The following NPHS2 variants were observed in gnomAD, a reference collection of about 807,000 sequenced individuals.
NPHS2 encodes NPHS2 stomatin family member, podocin.
Under a neutral mutation model 37.1 loss-of-function variants are expected in NPHS2, and 36 were observed. The observed-to-expected ratio is 0.97, with a 90% CI of 0.74 to 1.28. NPHS2 has a LOEUF of 1.28. NPHS2 is among the 50% of genes most tolerant of loss of function. The probability of loss-of-function intolerance (pLI) is 0.00; values close to 1 mark genes in which losing one functional copy is unlikely to be tolerated. For synonymous variants in NPHS2, 196 were observed against 189.3 expected, an observed-to-expected ratio of 1.04 and a Z score of -0.29; for missense variants, 447 against 488.1, an observed-to-expected ratio of 0.92 and a Z score of 0.79.
At position 179,557,248 on chromosome 1, in the gene NPHS2, T is replaced by C; in HGVS notation, c.535-18A>G. 6.2e-7 allele frequency: 1 copy of C among 1,606,448 alleles called. No homozygotes were observed. The stretch of plus-strand genomic sequence containing the variant: ...GTCACGATCTAGGCAGAAAAAAGTT[T>C]GGATGACAGGCTTGATTCTTGGGCT... On this transcript the variant is annotated intron_variant, in intron 4 of 7. Coordinates refer to ENST00000367615, the MANE Select transcript of NPHS2 (RefSeq NM_014625.4).
Position 179,559,690 on chromosome 1 carries a change from G to C in NPHS2, c.523C>G (p.Pro175Ala), listed in dbSNP as rs1472510122. Residue 175 changes from proline (P) to alanine (A), a missense_variant, in exon 4 of 8, where the codon CCT becomes GCT. Pro to Ala is a conservative substitution (Grantham distance 27, BLOSUM62 -1). Coordinates refer to ENST00000367615, the MANE Select transcript of NPHS2 (RefSeq NM_014625.4). ...VDLRLQTLEI[P>A]FHEIVTKDMF... ...ATCATTTGGCTTACCTCATGAAAAG[G>C]TATCTCCAGAGTTTGGAGACGAAGG... The C allele has an allele frequency of 6.3e-7, 1 of 1,585,240 alleles. No homozygotes were observed. Among genetic ancestry groups the C allele is most frequent in the Admixed American group, 1.7e-5 (1 of 57,890 alleles).
chr1:179,554,403 A>G, intron 6 of NPHS2, 73 bp downstream of exon 6: 8 of 1,586,368 alleles, frequency 5.0e-6, no homozygotes, highest in Admixed American at 1.7e-5. Flanking sequence ...TAATTTTTCA[A>G]ATGAAAAATT....
chr1:179,568,011 T>A (rs1348836675), intron 1 of NPHS2, among the ~76,000 whole-genome samples: 1 of 152,188 alleles, frequency 6.6e-6, no homozygotes, highest in Non-Finnish European at 1.5e-5. Context: ...GGTCTAAAAT[T>A]CTCTTTTTTT....
chr1:179,569,713 A>C (rs1255819859), intron 1 of NPHS2, among the ~76,000 whole-genome samples: 1 of 152,148 alleles, frequency 6.6e-6, no homozygotes, highest in Non-Finnish European at 1.5e-5. Flanking sequence ...TGCTTCCTTC[A>C]GGAGCCCTTG....
Position 179,575,683 on chromosome 1 carries a change from G to A in NPHS2, c.182C>T (p.Ala61Val), listed in dbSNP as rs201050491. Residue 61 changes from alanine to valine, a missense_variant, in exon 1 of 8, where the codon GCC becomes GTC. Coordinates refer to ENST00000367615, the MANE Select transcript of NPHS2 (RefSeq NM_014625.4). ...CTCATCCACGTCCACCACCGTGGCG[G>A]CGGGCGCTCGGGGCTCCCCCGGGGT... ...AGTPGEPRAP[A>V]ATVVDVDEVR... 1,496 of 1,596,352 alleles carry A rather than the reference G, an allele frequency of 9.4e-4. 12 individuals carry two copies. In the African/African-American group the frequency reaches 0.018, roughly 19 times the overall value.
At chr1:179,554,429 A>G (rs1244513707) in intron 6 of NPHS2, 47 bp downstream of exon 6, 2 of 1,610,402 alleles carry the variant, frequency 1.2e-6, no homozygotes, top group Middle Eastern at 1.7e-4. Flanking sequence ...TGAAACCAGA[A>G]TATTTTCCTT....
At position 179,557,123 on chromosome 1, in the gene NPHS2, C is replaced by T. The variant is rs751929781; in HGVS notation, c.642G>A (p.Val214=). ...LSSLAHVSKA[V]QFLVQTTMKR... Reference sequence around the variant, plus strand: ...TCATAGTGGTTTGCACAAGGAATTGCACAGCTTTAGATACATGAGCAAGAC... The same window carrying T: ...TCATAGTGGTTTGCACAAGGAATTGTACAGCTTTAGATACATGAGCAAGAC... The change falls in exon 5 of 8, where the codon GTG becomes GTA. Residue 214 remains valine, a synonymous_variant. Transcript: ENST00000367615. 13 of 1,613,980 alleles carry T rather than the reference C, an allele frequency of 8.1e-6. No homozygotes were observed. In the South Asian group the frequency reaches 1.4e-4, roughly 18 times the overall value.
intron 7 of NPHS2, chr1:179,551,808 G>A (rs1673326887): frequency 1.8e-5 from 5 of 283,270 alleles, no homozygotes; most frequent in South Asian, 1.8e-4. Context: ...CCCAACTCAG[G>A]GAAAGTGAAT....
At position 179,557,193 on chromosome 1, in the gene NPHS2, G is replaced by A; in HGVS notation, c.572C>T (p.Ala191Val). 6.2e-7 allele frequency: 1 copy of A among 1,613,990 alleles called. No individual in the cohort carries two copies. The highest frequency in any genetic ancestry group is 8.5e-7 in the Non-Finnish European group (1 of 1,179,968). Reference protein sequence around the residue: ...TKDMFIMEIDAICYYRMENAS... With the variant: ...TKDMFIMEIDVICYYRMENAS... The stretch of plus-strand genomic sequence containing the variant: ...ATTTTCCATTCGGTAGTAGCAAATG[G>A]CATCTATCTCCATTATAAACATGTC... The change falls in exon 5 of 8, where the codon GCC becomes GTC. Residue 191 changes from alanine to valine, a missense_variant. Coordinates refer to ENST00000367615, the MANE Select transcript of NPHS2 (RefSeq NM_014625.4).
intron 7 of NPHS2, chr1:179,552,017 T>C (rs1673355321): frequency 1.2e-5 from 2 of 168,668 alleles, no homozygotes; most frequent in African/African-American, 4.8e-5. Context: ...TCACCTGCTC[T>C]CTGTTCTTTC....
chr1:179,574,716 T>C (rs1016754759), intron 1 of NPHS2, among the ~76,000 whole-genome samples: 1 of 152,202 alleles, frequency 6.6e-6, no homozygotes. Context: ...CAGGAAGCAA[T>C]ATAACACACT....
chr1:179,550,991 C>T lies in NPHS2; in HGVS notation c.*182G>A. On this transcript the variant is annotated 3_prime_UTR_variant, in exon 8 of 8. Coordinates refer to ENST00000367615, the MANE Select transcript of NPHS2 (RefSeq NM_014625.4). ...TGAGTCACGGAAACATGTTGTCTGC[C>T]TTCTCTGTCATTACATCATTTCACC... 2 of 709,166 alleles carry T rather than the reference C, an allele frequency of 2.8e-6. No homozygotes were observed. The highest frequency in any genetic ancestry group is 4.7e-6 in the Non-Finnish European group (2 of 421,656). 43.9% of individuals were successfully genotyped at this position (709,166 alleles called of 1,614,324 possible). A position where few individuals can be genotyped will look rare whatever the true frequency, so the allele number is the denominator to read the frequency against.
At chr1:179,573,864 C>G (rs530040727) in intron 1 of NPHS2, among the ~76,000 whole-genome samples, 1 of 152,262 alleles carries the variant, frequency 6.6e-6, no homozygotes, top group Non-Finnish European at 1.5e-5. Flanking sequence ...GAATAAGTTG[C>G]TTGAATATCC....
At chr1:179,558,937 T>C (rs1473372455) in intron 4 of NPHS2, among the ~76,000 whole-genome samples, 1 of 152,176 alleles carries the variant, frequency 6.6e-6, no homozygotes, top group African/African-American at 2.4e-5. Context: ...CGTATTAGGG[T>C]TCTCTAGAGA....
chr1:179,557,759 A>G (rs1673992552), intron 4 of NPHS2, among the ~76,000 whole-genome samples: 2 of 152,244 alleles, frequency 1.3e-5, no homozygotes, highest in South Asian at 4.1e-4. Context: ...TTTAACATCA[A>G]CAATAGGGAA....
Position 179,575,660 on chromosome 1 carries a change from C to T in NPHS2, c.205G>A (p.Glu69Lys). The T allele has an allele frequency of 3.1e-6, 5 of 1,603,462 alleles. No individual in the cohort carries two copies. Among genetic ancestry groups the T allele is most frequent in the Non-Finnish European group, 4.2e-6 (5 of 1,179,616 alleles). Reference protein sequence around the residue: ...APAATVVDVDEVRGSGEEGTE... With the variant: ...APAATVVDVDKVRGSGEEGTE... ...CCCTCCTCGCCGGAGCCTCGGACCT[C>T]ATCCACGTCCACCACCGTGGCGGCG... The change falls in exon 1 of 8, where the codon GAG (glutamate) becomes AAG (lysine). Residue 69 changes from glutamate to lysine, a missense_variant. Glu to Lys is a moderately conservative substitution (Grantham distance 56, BLOSUM62 1). Coordinates refer to ENST00000367615, the MANE Select transcript of NPHS2 (RefSeq NM_014625.4).
chr1:179,571,346 TTGC>T (rs2101881200), intron 1 of NPHS2, among the ~76,000 whole-genome samples: 1 of 152,344 alleles, frequency 6.6e-6, no homozygotes, highest in Non-Finnish European at 1.5e-5. Context: ...CTGTTGGAGT[TTGC>T]TAGAGTTCCA....
rs751657857 is a variant in NPHS2, at chr1:179,551,141, C to T, written c.*32G>A. The T allele has an allele frequency of 1.8e-5, 29 of 1,611,458 alleles. No homozygotes were observed. Among genetic ancestry groups the T allele is most frequent in the Non-Finnish European group, 2.3e-5 (27 of 1,179,588 alleles). On this transcript the variant is annotated 3_prime_UTR_variant, in exon 8 of 8. Transcript: ENST00000367615. Reference sequence around the variant, plus strand: ...AGGCATGTGACTTTTCTATGGCAGGCCCCTTTACAGTCACATTATGCCCCA... The same window carrying T: ...AGGCATGTGACTTTTCTATGGCAGGTCCCTTTACAGTCACATTATGCCCCA...
At position 179,564,703 on chromosome 1, in the gene NPHS2, C is replaced by G. The variant is rs750332447; in HGVS notation, c.365G>C (p.Trp122Ser). ...FIIMTFPFSI[W>S]FCVKVVQEYE... ...ATGGAATCTCACCTTTACGCAGAAC[C>G]AGATGGAAAAAGGGAAGGTCATGAT... Residue 122 changes from tryptophan to serine, a missense_variant, in exon 2 of 8, where the codon TGG (tryptophan) becomes TCG (serine). Transcript: ENST00000367615. 5.6e-6 allele frequency: 9 copies of G among 1,613,758 alleles called. No individual in the cohort carries two copies. The Admixed American group carries it at 1.0e-4, about 18-fold the overall frequency.
Sources: allele counts gnomAD v4.1 joint callset (sites outside exome capture counted in the v4.1 genomes callset), GRCh38; gene constraint gnomAD v4.1.1; transcripts MANE v1.5; gene names NCBI Gene and HGNC (gene_info 2026-07-23, HGNC 2026-07-21).